The following RAPGEF2 variants were observed in gnomAD, a reference collection of about 807,000 sequenced individuals.
The protein encoded by RAPGEF2 is Rap guanine nucleotide exchange factor 2, also known as PDZ domain containing guanine nucleotide exchange factor (GEF) 1.
A neutral mutation model predicts 186.7 loss-of-function variants in RAPGEF2; 54 were observed. The ratio of observed to expected loss-of-function variants is 0.29; its 90% CI spans 0.23 to 0.36. The LOEUF is 0.36. Ranked by LOEUF, RAPGEF2 falls within the 10% of genes least tolerant of loss-of-function variation. The pLI is 1.00. For missense variants in RAPGEF2, 1,532 were observed against 2,045.0 expected (o/e 0.75, Z 4.84); for synonymous variants, 712 against 705.9 (o/e 1.01, Z -0.14).
At chr4:159,187,621 A>C (rs888104462) in intron 2 of RAPGEF2, among the ~76,000 whole-genome samples, 2 of 152,204 alleles carry the variant, frequency 1.3e-5, no homozygotes, top group Admixed American at 1.3e-4. Flanking sequence ...AGATCTGCCC[A>C]TATAGAAATC....
intron 25 of RAPGEF2, among the ~76,000 whole-genome samples, chr4:159,349,816 TTTC>T (rs1243757552): frequency 1.2e-4 from 18 of 152,354 alleles, no homozygotes; most frequent in Admixed American, 1.0e-3. Flanking sequence ...TTGTCCATTT[TTTC>T]TTCATTGTTG....
At chr4:159,296,264 T>C (rs1280247419) in intron 7 of RAPGEF2, among the ~76,000 whole-genome samples, 1 of 152,202 alleles carries the variant, frequency 6.6e-6, no homozygotes. Context: ...GTAAACTCAA[T>C]TGGATGACTC....
chr4:159,332,957 T>A, intron 17 of RAPGEF2: 1 of 231,226 alleles, frequency 4.3e-6, no homozygotes, highest in East Asian at 8.2e-5. Flanking sequence ...CTTTTTAGTT[T>A]ATTTTTTAAT....
intron 1 of RAPGEF2, among the ~76,000 whole-genome samples, chr4:159,134,945 T>G (rs182332892): frequency 1.3e-5 from 2 of 152,358 alleles, no homozygotes; most frequent in African/African-American, 4.8e-5. Flanking sequence ...ATGTAAATAG[T>G]TTATATGTGG....
At position 159,338,301 on chromosome 4, in the gene RAPGEF2, C is replaced by T. The variant is rs749994218; in HGVS notation, c.2136-10C>T. 6.3e-7 allele frequency: 1 copy of T among 1,596,012 alleles called. No homozygotes were observed. ...TTGTTGATAATTTTCTAATTTTCCT[C>T]TTTGTTCAGTGATATTGGGATTGGT... On this transcript the variant is annotated splice_polypyrimidine_tract_variant and intron_variant, in intron 17 of 29. Transcript: ENST00000691494.
intron 7 of RAPGEF2, among the ~76,000 whole-genome samples, chr4:159,295,748 TGTGTGTGCGCGCGC>T (rs1408671665): frequency 8.9e-4 from 100 of 112,150 alleles, no homozygotes; most frequent in African/African-American, 2.1e-3. Context: ...TGTGTGTGTG[TGTGTGTGCGCGCGC>T]GCGCGCGCGC....
In RAPGEF2 at chr4:159,352,678, C is replaced by T; in HGVS notation, c.3866-7C>T. ...GTCTAATTAATACGGTTGTATTTCT[C>T]ATGCAGGCTATACTTTGGCTCCCAG... On this transcript the variant is annotated splice_polypyrimidine_tract_variant and splice_region_variant and intron_variant, in intron 26 of 29. Coordinates refer to ENST00000691494, the MANE Select transcript of RAPGEF2 (RefSeq NM_001394067.2). The T allele has an allele frequency of 6.2e-7, 1 of 1,601,434 alleles. No homozygotes were observed. Among genetic ancestry groups the T allele is most frequent in the East Asian group, 2.2e-5 (1 of 44,778 alleles).
intron 7 of RAPGEF2, among the ~76,000 whole-genome samples, chr4:159,269,026 C>T (rs1757777368): frequency 1.3e-5 from 2 of 152,098 alleles, no homozygotes; most frequent in Admixed American, 1.3e-4. Flanking sequence ...TTTGAAATGC[C>T]TACTTCTACA....
chr4:159,348,747 T>C (rs1050439903), intron 25 of RAPGEF2, among the ~76,000 whole-genome samples: 10 of 152,198 alleles, frequency 6.6e-5, no homozygotes, highest in African/African-American at 2.4e-4. Context: ...CTATCCCCCA[T>C]GTTTCTGAAG....
intron 7 of RAPGEF2, among the ~76,000 whole-genome samples, chr4:159,258,417 T>C (rs1275347784): frequency 6.6e-6 from 1 of 152,208 alleles, no homozygotes; most frequent in East Asian, 1.9e-4. Flanking sequence ...CTATATTTAT[T>C]TATTTTTCAG....
intron 3 of RAPGEF2, among the ~76,000 whole-genome samples, chr4:159,201,795 A>AC (rs1296083045): frequency 1.3e-5 from 2 of 152,084 alleles, no homozygotes; most frequent in Non-Finnish European, 2.9e-5. Flanking sequence ...GTGTTTTTCT[A>AC]TTTTTTGGTC....
At chr4:159,156,170 G>A (rs1744096480) in intron 1 of RAPGEF2, among the ~76,000 whole-genome samples, 2 of 152,146 alleles carry the variant, frequency 1.3e-5, no homozygotes, top group Non-Finnish European at 2.9e-5. Context: ...ATGAAGGCTT[G>A]ATTGAGGAAG....
At chr4:159,273,659 TTTCTTTCTTTC>T (rs1005561877) in intron 7 of RAPGEF2, among the ~76,000 whole-genome samples, 2 of 148,436 alleles carry the variant, frequency 1.3e-5, no homozygotes, top group Non-Finnish European at 1.5e-5. Context: ...TCTTTCTTTC[TTTCTTTCTTTC>T]TTTCTTTCTT....
At chr4:159,118,790 G>A (rs1043265412) in intron 1 of RAPGEF2, among the ~76,000 whole-genome samples, 3 of 152,080 alleles carry the variant, frequency 2.0e-5, no homozygotes, top group Non-Finnish European at 4.4e-5. Flanking sequence ...TCACCATGTT[G>A]ACCAGACTGG....
chr4:159,204,462 A>G (rs988484508), intron 3 of RAPGEF2, among the ~76,000 whole-genome samples: 3 of 152,178 alleles, frequency 2.0e-5, no homozygotes, highest in African/African-American at 7.2e-5. Context: ...GGGTCAGATC[A>G]AGTATTTCCC....
Position 159,354,047 on chromosome 4 carries a change from G to C in RAPGEF2, c.4651+1G>C. On this transcript the variant is annotated splice_donor_variant, in intron 28 of 29. Coordinates refer to ENST00000691494, the MANE Select transcript of RAPGEF2 (RefSeq NM_001394067.2). LOFTEE classifies it high-confidence loss of function. ...TCAAGTACTACAAAGGGGCTCATTG[G>C]TAAGTTTTAAAATTGGGGGACTTTG... The C allele has an allele frequency of 6.4e-7, 1 of 1,555,574 alleles. No individual in the cohort carries two copies. Among genetic ancestry groups the C allele is most frequent in the Non-Finnish European group, 8.7e-7 (1 of 1,155,200 alleles).
At chr4:159,261,207 A>G (rs1276050013) in intron 7 of RAPGEF2, among the ~76,000 whole-genome samples, 10 of 151,928 alleles carry the variant, frequency 6.6e-5, no homozygotes, top group East Asian at 1.9e-4. Flanking sequence ...GACTACAGGC[A>G]CTGCCACCAA....
intron 6 of RAPGEF2, 27 bp from the exon 7 acceptor site, chr4:159,243,747 T>C (rs148994635): frequency 6.0e-4 from 765 of 1,268,562 alleles, no homozygotes; most frequent in Non-Finnish European, 7.4e-4. Flanking sequence ...TCCTCCTTTA[T>C]GGCACTCATT....
intron 28 of RAPGEF2, among the ~76,000 whole-genome samples, chr4:159,355,154 T>C (rs992136754): frequency 2.0e-5 from 3 of 152,194 alleles, no homozygotes; most frequent in African/African-American, 4.8e-5. Context: ...TTCCTAACAA[T>C]TGAGTTTTAA....
Sources: allele counts gnomAD v4.1 joint callset (sites outside exome capture counted in the v4.1 genomes callset), GRCh38; gene constraint gnomAD v4.1.1; transcripts MANE v1.5; gene names NCBI Gene and HGNC (gene_info 2026-07-23, HGNC 2026-07-21).